Variants in WDR44 observed in about 807,000 individuals in gnomAD.
WDR44 encodes the protein WD repeat domain 44, also known as WD repeat-containing protein 44.
Under a neutral mutation model 65.7 loss-of-function variants are expected in WDR44, and 9 were observed. The observed-to-expected ratio is 0.14, with a 90% CI of 0.08 to 0.24. The LOEUF (loss-of-function observed/expected upper bound fraction) is 0.24. Ranked by LOEUF, WDR44 falls within the 10% of genes least tolerant of loss-of-function variation. The probability of loss-of-function intolerance (pLI) is 1.00; values close to 1 mark genes in which losing one functional copy is unlikely to be tolerated. For missense variants in WDR44, 425 were observed against 670.9 expected (o/e 0.63, Z 4.05); for synonymous variants, 220 against 235.2 (o/e 0.94, Z 0.59).
At chrX:118,428,379 A>G (rs1221946860) in intron 12 of WDR44, among the ~76,000 whole-genome samples, 2 of 110,571 alleles carry the variant, frequency 1.8e-5, no homozygotes, top group African/African-American at 3.3e-5. Flanking sequence ...GCCTCAAGCA[A>G]TCCTCCTGCC....
intron 13 of WDR44, among the ~76,000 whole-genome samples, chrX:118,434,580 A>AC (rs1369250110): frequency 1.8e-5 from 2 of 111,439 alleles, no homozygotes; most frequent in African/African-American, 6.5e-5. Flanking sequence ...ACAATCCTTC[A>AC]CCAGAAATAG....
intron 12 of WDR44, among the ~76,000 whole-genome samples, chrX:118,428,173 A>G (rs1408348955): frequency 9.1e-6 from 1 of 109,654 alleles, no homozygotes. Flanking sequence ...CTGTAATCTC[A>G]GCTACTTGGG....
chrX:118,398,489 C>T lies in WDR44; in HGVS notation c.1274+19C>T, dbSNP rs1463714336. On this transcript the variant is annotated intron_variant, in intron 8 of 19. Transcript: ENST00000254029. ...AGAAAACGTGAGTTACAGTACATCCCTTTTCTTCATTTCAAGTTTTTATTT... is the reference window on the plus strand; with the variant it reads ...AGAAAACGTGAGTTACAGTACATCCTTTTTCTTCATTTCAAGTTTTTATTT... The T allele has an allele frequency of 1.8e-6, 2 of 1,137,830 alleles. No homozygotes were observed. Among genetic ancestry groups the T allele is most frequent in the Admixed American group, 4.8e-5 (2 of 41,846 alleles). 93.8% of individuals were successfully genotyped at this position (1,137,830 alleles called of 1,213,427 possible).
At chrX:118,431,364 T>C (rs5956989) in intron 12 of WDR44, among the ~76,000 whole-genome samples, 47,971 of 110,674 alleles carry the variant, frequency 0.43, 10,832 homozygotes, top group African/African-American at 0.86. Flanking sequence ...AGTGCAATGC[T>C]GTGATCTCAG....
intron 1 of WDR44, among the ~76,000 whole-genome samples, chrX:118,361,893 A>G (rs962457497): frequency 8.9e-5 from 10 of 112,574 alleles, no homozygotes; most frequent in African/African-American, 3.2e-4. Flanking sequence ...AGAAAAACCA[A>G]TAATTGCCCA....
At chrX:118,351,781 C>T (rs746781802) in intron 1 of WDR44, among the ~76,000 whole-genome samples, 1 of 110,216 alleles carries the variant, frequency 9.1e-6, no homozygotes, top group East Asian at 2.9e-4. Flanking sequence ...CAAACCCCAT[C>T]TCTACTAAAA....
intron 14 of WDR44, among the ~76,000 whole-genome samples, chrX:118,438,495 C>T (rs1408551266): frequency 2.7e-5 from 3 of 111,317 alleles, no homozygotes; most frequent in Non-Finnish European, 3.8e-5. Context: ...TGCAGTGGTG[C>T]AGTCTTGGCT....
chrX:118,354,295 A>G (rs1344588744), intron 1 of WDR44, among the ~76,000 whole-genome samples: 1 of 110,140 alleles, frequency 9.1e-6, no homozygotes, highest in Non-Finnish European at 1.9e-5. Flanking sequence ...GTGCATGCCT[A>G]TAGTTCTAGC....
intron 17 of WDR44, 149 bp from the exon 18 acceptor site, chrX:118,443,411 A>C: frequency 1.6e-6 from 1 of 642,619 alleles, no homozygotes; most frequent in Non-Finnish European, 2.3e-6. Flanking sequence ...CATTTAGAAC[A>C]TCTAGAGTGA....
chrX:118,399,679 T>A (rs1196398705), intron 8 of WDR44, among the ~76,000 whole-genome samples: 1 of 111,991 alleles, frequency 8.9e-6, no homozygotes, highest in Non-Finnish European at 1.9e-5. Flanking sequence ...CTTACATCAT[T>A]TTTTTTAAAA....
intron 14 of WDR44, among the ~76,000 whole-genome samples, 197 bp from the exon 15 acceptor site, chrX:118,441,171 G>C (rs1446423466): frequency 9.1e-6 from 1 of 110,153 alleles, no homozygotes; most frequent in East Asian, 2.8e-4. Flanking sequence ...TATTGGCCAG[G>C]ATAGTGTCGA....
intron 2 of WDR44, among the ~76,000 whole-genome samples, chrX:118,384,749 G>A (rs986887066): frequency 1.8e-5 from 2 of 111,663 alleles, no homozygotes; most frequent in African/African-American, 3.3e-5. Flanking sequence ...ATGGCATTAA[G>A]TCTATACATT....
At chrX:118,421,100 C>G (rs772424355) in intron 12 of WDR44, among the ~76,000 whole-genome samples, 1 of 111,439 alleles carries the variant, frequency 9.0e-6, no homozygotes. Context: ...CTTCATGGCC[C>G]GCTTCCTCCA....
intron 1 of WDR44, among the ~76,000 whole-genome samples, chrX:118,362,323 T>C (rs1280636431): frequency 8.9e-6 from 1 of 112,148 alleles, no homozygotes; most frequent in Non-Finnish European, 1.9e-5. Flanking sequence ...TTAATTGATA[T>C]TTATCTAGAA....
chrX:118,432,169 A>G (rs1406811472), intron 12 of WDR44, among the ~76,000 whole-genome samples: 1 of 111,744 alleles, frequency 8.9e-6, no homozygotes, highest in Non-Finnish European at 1.9e-5. Flanking sequence ...TCAGCAGCTC[A>G]GTAGCATCGT....
At chrX:118,443,326 G>A (rs1200545523) in intron 17 of WDR44, among the ~76,000 whole-genome samples, 1 of 111,209 alleles carries the variant, frequency 9.0e-6, no homozygotes, top group East Asian at 2.8e-4. Context: ...TCCTCCCAAC[G>A]TGGATTAACT....
intron 1 of WDR44, among the ~76,000 whole-genome samples, chrX:118,361,619 G>A (rs769536231): frequency 5.4e-5 from 6 of 111,042 alleles, no homozygotes; most frequent in Non-Finnish European, 1.1e-4. Context: ...AGCCATATGT[G>A]GTGGTGCATG....
chrX:118,374,965 C>T (rs1023528512), intron 1 of WDR44, among the ~76,000 whole-genome samples: 2 of 111,858 alleles, frequency 1.8e-5, no homozygotes, highest in African/African-American at 6.5e-5. Flanking sequence ...CTATATTTTA[C>T]TGTCTCCTCG....
chrX:118,409,349 C>T (rs923079564), intron 10 of WDR44, 140 bp from the exon 11 acceptor site: 21 of 548,619 alleles, frequency 3.8e-5, no homozygotes, highest in African/African-American at 3.7e-4. Context: ...AGGCTGGTCT[C>T]GAACTCCTGA....
Sources: allele counts gnomAD v4.1 joint callset (sites outside exome capture counted in the v4.1 genomes callset), GRCh38; gene constraint gnomAD v4.1.1; transcripts MANE v1.5; gene names NCBI Gene and HGNC (gene_info 2026-07-23, HGNC 2026-07-21).